The following NCK1 variants were observed in gnomAD, a reference collection of about 807,000 sequenced individuals.
NCK1 encodes the protein SH2/SH3 adapter protein NCK1.
Under a neutral mutation model 36.6 loss-of-function variants are expected in NCK1, and 19 were observed. The observed-to-expected ratio is 0.52, with a 90% CI of 0.36 to 0.76. The LOEUF is 0.76. Ranked by LOEUF, NCK1 falls within the 30% of genes least tolerant of loss-of-function variation. NCK1 has a pLI of 0.00. For missense variants in NCK1, 358 were observed against 445.6 expected (o/e 0.80, Z 1.77); for synonymous variants, 165 against 156.0 (o/e 1.06, Z -0.43).
intron 1 of NCK1, among the ~76,000 whole-genome samples, chr3:136,872,190 C>A (rs1002297541): frequency 6.6e-6 from 1 of 152,182 alleles, no homozygotes; most frequent in African/African-American, 2.4e-5. Flanking sequence ...TGTTGAATGA[C>A]TTTGCCCAAA....
chr3:136,902,384 G>A (rs898743241), intron 1 of NCK1, among the ~76,000 whole-genome samples: 3 of 151,998 alleles, frequency 2.0e-5, no homozygotes, highest in African/African-American at 7.2e-5. Flanking sequence ...TAGTAAAAAC[G>A]GGGTTTCAGC....
At chr3:136,866,259 T>C (rs1938406390) in intron 1 of NCK1, among the ~76,000 whole-genome samples, 1 of 152,176 alleles carries the variant, frequency 6.6e-6, no homozygotes, top group African/African-American at 2.4e-5. Flanking sequence ...CTGATTCTTA[T>C]TTACTCTTTG....
intron 1 of NCK1, among the ~76,000 whole-genome samples, chr3:136,882,591 T>TG (rs1385636623): frequency 1.7e-5 from 2 of 120,204 alleles, no homozygotes; most frequent in African/African-American, 6.4e-5. Context: ...GTGTGTGTGT[T>TG]GAGGGGCACC....
At chr3:136,903,821 T>C (rs960962838) in intron 1 of NCK1, among the ~76,000 whole-genome samples, 3 of 152,244 alleles carry the variant, frequency 2.0e-5, no homozygotes, top group African/African-American at 7.2e-5. Flanking sequence ...TATTAACTGA[T>C]TTATGGCTGT....
chr3:136,881,527 A>G (rs1938935814), intron 1 of NCK1, among the ~76,000 whole-genome samples: 2 of 151,974 alleles, frequency 1.3e-5, no homozygotes, highest in Admixed American at 6.6e-5. Flanking sequence ...TCTATTTTTT[A>G]TTGTGGTAAA....
intron 1 of NCK1, among the ~76,000 whole-genome samples, chr3:136,913,183 T>A (rs1939874207): frequency 6.6e-6 from 1 of 152,180 alleles, no homozygotes; most frequent in South Asian, 2.1e-4. Flanking sequence ...TGTATCCCTT[T>A]TTGTTGTTGA....
chr3:136,918,735 A>G (rs1342074141), intron 1 of NCK1, among the ~76,000 whole-genome samples: 1 of 152,222 alleles, frequency 6.6e-6, no homozygotes, highest in South Asian at 2.1e-4. Flanking sequence ...TGTGTGGCCC[A>G]AGACAATTCT....
At chr3:136,875,285 A>G (rs1017808769) in intron 1 of NCK1, among the ~76,000 whole-genome samples, 1 of 152,028 alleles carries the variant, frequency 6.6e-6, no homozygotes, top group African/African-American at 2.4e-5. Context: ...GGGCTGAGAC[A>G]ATGGGGTTTT....
intron 1 of NCK1, among the ~76,000 whole-genome samples, chr3:136,902,508 T>C (rs1939572658): frequency 1.3e-5 from 2 of 152,184 alleles, no homozygotes; most frequent in Non-Finnish European, 2.9e-5. Flanking sequence ...TATTCTTGAT[T>C]TCTAGTTTTA....
intron 1 of NCK1, among the ~76,000 whole-genome samples, chr3:136,898,836 A>G (rs1355257561): frequency 6.6e-6 from 1 of 152,226 alleles, no homozygotes; most frequent in Non-Finnish European, 1.5e-5. Flanking sequence ...GGAAAATAGA[A>G]TATGCTCTTC....
At chr3:136,891,716 CA>C (rs1939250716) in intron 1 of NCK1, among the ~76,000 whole-genome samples, 2 of 152,126 alleles carry the variant, frequency 1.3e-5, no homozygotes, top group African/African-American at 2.4e-5. Flanking sequence ...CTGTCATCAT[CA>C]TTTTTTTAAT....
At chr3:136,895,595 C>T (rs1939372895) in intron 1 of NCK1, among the ~76,000 whole-genome samples, 1 of 151,770 alleles carries the variant, frequency 6.6e-6, no homozygotes, top group Non-Finnish European at 1.5e-5. Flanking sequence ...GATGGAGTCC[C>T]ACTCTGTTGC....
intron 1 of NCK1, among the ~76,000 whole-genome samples, chr3:136,913,120 T>C (rs1939872030): frequency 6.6e-6 from 1 of 152,188 alleles, no homozygotes; most frequent in Non-Finnish European, 1.5e-5. Context: ...CTGGGAAGGT[T>C]TCTGTTGGTT....
intron 2 of NCK1, among the ~76,000 whole-genome samples, chr3:136,930,156 A>G (rs1466989422): frequency 6.6e-6 from 1 of 152,166 alleles, no homozygotes; most frequent in African/African-American, 2.4e-5. Context: ...TTGGTAACTT[A>G]AATATCCGGT....
At chr3:136,872,017 A>G (rs1938635756) in intron 1 of NCK1, among the ~76,000 whole-genome samples, 1 of 152,216 alleles carries the variant, frequency 6.6e-6, no homozygotes, top group Non-Finnish European at 1.5e-5. Flanking sequence ...GCATGAAAAC[A>G]GATTAATACA....
At chr3:136,903,895 A>G (rs1422913412) in intron 1 of NCK1, among the ~76,000 whole-genome samples, 1 of 151,936 alleles carries the variant, frequency 6.6e-6, no homozygotes, top group Non-Finnish European at 1.5e-5. Context: ...GGTTTTCTGT[A>G]GTTGTGAGTC....
intron 1 of NCK1, among the ~76,000 whole-genome samples, chr3:136,922,830 C>T (rs1940145185): frequency 6.6e-6 from 1 of 152,176 alleles, no homozygotes; most frequent in Non-Finnish European, 1.5e-5. Context: ...GATTCTAACC[C>T]AAAGGTACAC....
rs35976394 is a variant in NCK1, at chr3:136,886,817, CT to C, written c.-19+24482del. 7.4e-3 allele frequency among the ~76,000 whole-genome samples: 1,016 copies of C among 137,062 alleles called. 11 individuals are homozygous for C. Among genetic ancestry groups the C allele is most frequent in the African/African-American group, 0.022 (819 of 37,058 alleles). The allele number at this position is 137,062 out of a possible 152,430, so 89.9% of individuals were successfully genotyped here. A position where few individuals can be genotyped will look rare whatever the true frequency, so the allele number is the denominator to read the frequency against. Reference sequence around the variant, plus strand: ...ACTGTCCTGTAGTTACATGATCAGTCTTTTTTTTTTTTTTTTTTCCTATCTT... The same window carrying C: ...ACTGTCCTGTAGTTACATGATCAGTCTTTTTTTTTTTTTTTTTCCTATCTT... On this transcript the variant is annotated intron_variant, in intron 1 of 3. Coordinates refer to ENST00000481752, the MANE Select transcript of NCK1 (RefSeq NM_001291999.2).
intron 1 of NCK1, among the ~76,000 whole-genome samples, chr3:136,880,088 T>A (rs1938886850): frequency 6.8e-6 from 1 of 147,608 alleles, no homozygotes; most frequent in South Asian, 2.3e-4. Context: ...AATGAGACCA[T>A]CCTGGCTAAC....
Sources: allele counts gnomAD v4.1 joint callset (sites outside exome capture counted in the v4.1 genomes callset), GRCh38; gene constraint gnomAD v4.1.1; transcripts MANE v1.5; gene names NCBI Gene and HGNC (gene_info 2026-07-23, HGNC 2026-07-21).